The following EDAR variants were observed in gnomAD, a reference collection of about 807,000 sequenced individuals.
EDAR encodes the protein ectodysplasin A receptor.
EDAR carries 38 observed loss-of-function variants against 51.3 expected under a neutral mutation model. The observed-to-expected ratio is 0.74, with a 90% CI of 0.57 to 0.97. The LOEUF is 0.97. EDAR is among the 50% of genes least tolerant of loss of function. EDAR has a pLI of 0.00. For synonymous variants in EDAR, 227 were observed against 242.1 expected, an observed-to-expected ratio of 0.94 and a Z score of 0.58; for missense variants, 528 against 595.0, an observed-to-expected ratio of 0.89 and a Z score of 1.17.
chr2:108,915,779 C>T (rs1697015843), intron 5 of EDAR, among the ~76,000 whole-genome samples: 1 of 152,132 alleles, frequency 6.6e-6, no homozygotes, highest in Admixed American at 6.6e-5. Context: ...TGCCTGTAAT[C>T]CCAGCTACTG....
chr2:108,937,765 G>A (rs1396093474), intron 1 of EDAR, among the ~76,000 whole-genome samples: 3 of 152,094 alleles, frequency 2.0e-5, no homozygotes, highest in Non-Finnish European at 2.9e-5. Context: ...ATGTATGTGT[G>A]TGAATGTATG....
At chr2:108,934,464 A>G (rs935040356) in intron 1 of EDAR, among the ~76,000 whole-genome samples, 2 of 152,204 alleles carry the variant, frequency 1.3e-5, no homozygotes, top group African/African-American at 4.8e-5. Flanking sequence ...CCTCGTGCAC[A>G]CTGAGCTCCC....
chr2:108,912,631 G>A (rs747969236), intron 6 of EDAR, 47 bp downstream of exon 6: 116 of 1,508,434 alleles, frequency 7.7e-5, no homozygotes, highest in Non-Finnish European at 9.6e-5. Flanking sequence ...GCTTTCATCC[G>A]AGTACCACCT....
Position 108,930,150 on chromosome 2 carries a change from G to T in EDAR, c.144C>A (p.Pro48=). 1 of 1,614,000 alleles carries T rather than the reference G, an allele frequency of 6.2e-7. No individual in the cohort carries two copies. The highest frequency in any genetic ancestry group is 8.5e-7 in the Non-Finnish European group (1 of 1,180,012). ...AGGGCTCCTCTCCCGGCCCACACGG[G>T]GGGCACTCCTGGCACAGCCCCGTAG... ...NQTTGLCQEC[P]PCGPGEEPYL... Residue 48 remains proline (P), a synonymous_variant, in exon 3 of 12, where the codon CCC becomes CCA. Transcript: ENST00000258443.
intron 5 of EDAR, among the ~76,000 whole-genome samples, chr2:108,914,699 C>T (rs1410371351): frequency 1.3e-5 from 2 of 152,212 alleles, no homozygotes; most frequent in African/African-American, 4.8e-5. Flanking sequence ...ATGCATCTCC[C>T]ACTCTCTCAC....
intron 1 of EDAR, among the ~76,000 whole-genome samples, chr2:108,938,025 C>G (rs1371053062): frequency 6.6e-6 from 1 of 152,020 alleles, no homozygotes; most frequent in African/African-American, 2.4e-5. Context: ...GCATGAAACA[C>G]TTATTTACTT....
At chr2:108,933,677 G>A (rs948285433) in intron 1 of EDAR, among the ~76,000 whole-genome samples, 1 of 152,238 alleles carries the variant, frequency 6.6e-6, no homozygotes, top group African/African-American at 2.4e-5. Context: ...AATGGACTGA[G>A]GCAAGATTGA....
chr2:108,972,808 G>A (rs1020172172), intron 1 of EDAR, among the ~76,000 whole-genome samples: 2 of 152,156 alleles, frequency 1.3e-5, no homozygotes, highest in Admixed American at 6.5e-5. Flanking sequence ...CGGCAGGGGC[G>A]TTCACTCTTC....
intron 5 of EDAR, among the ~76,000 whole-genome samples, chr2:108,914,245 C>T (rs955886142): frequency 2.6e-5 from 4 of 151,260 alleles, no homozygotes; most frequent in South Asian, 2.1e-4. Flanking sequence ...GGGCAACAAA[C>T]GTGAAACTTT....
chr2:108,943,733 T>G (rs1697655084), intron 1 of EDAR, among the ~76,000 whole-genome samples: 1 of 152,124 alleles, frequency 6.6e-6, no homozygotes, highest in African/African-American at 2.4e-5. Flanking sequence ...GCTCTCCAGT[T>G]TGGGGGAGAT....
intron 1 of EDAR, among the ~76,000 whole-genome samples, chr2:108,945,904 T>G (rs1697705560): frequency 6.6e-6 from 1 of 152,180 alleles, no homozygotes; most frequent in Non-Finnish European, 1.5e-5. Context: ...CAGGGGCACA[T>G]GTTACTTTGT....
At chr2:108,906,220 C>T in intron 11 of EDAR, 88 bp downstream of exon 11, 2 of 1,397,954 alleles carry the variant, frequency 1.4e-6, no homozygotes, top group East Asian at 2.3e-5. Flanking sequence ...TCCCTCAGTT[C>T]CCCTCACAGG....
intron 1 of EDAR, among the ~76,000 whole-genome samples, chr2:108,978,460 C>T (rs905530276): frequency 1.3e-5 from 2 of 152,132 alleles, no homozygotes; most frequent in South Asian, 2.1e-4. Context: ...ATTTGTTAGA[C>T]GCCTCAAGAG....
intron 11 of EDAR, among the ~76,000 whole-genome samples, chr2:108,902,062 A>G (rs1416817175): frequency 6.6e-6 from 1 of 152,166 alleles, no homozygotes; most frequent in Non-Finnish European, 1.5e-5. Flanking sequence ...ACATGGTGAA[A>G]CCCCATATCT....
chr2:108,957,301 CTT>C (rs1051131314), intron 1 of EDAR, among the ~76,000 whole-genome samples: 5 of 152,218 alleles, frequency 3.3e-5, no homozygotes, highest in African/African-American at 1.2e-4. Flanking sequence ...AGCAACGCCT[CTT>C]GTTTATGGGC....
Position 108,897,210 on chromosome 2 carries a change from C to T in EDAR, c.1044G>A (p.Leu348=). 1 of 1,613,734 alleles carries T rather than the reference C, an allele frequency of 6.2e-7. No homozygotes were observed. Among genetic ancestry groups the T allele is most frequent in the Non-Finnish European group, 8.5e-7 (1 of 1,180,028 alleles). Reference sequence around the variant, plus strand: ...TAGTCTTCTCGAGGCAATCAAATGGCAGCTCCGTGGGGCTAAGACCTACAG... The same window carrying T: ...TAGTCTTCTCGAGGCAATCAAATGGTAGCTCCGTGGGGCTAAGACCTACAG... The part of the protein sequence containing the change: ...GVVEGLSPTE[L]PFDCLEKTSR... Residue 348 remains leucine, a synonymous_variant, in exon 12 of 12, where the codon CTG becomes CTA. Transcript: ENST00000258443.
At chr2:108,966,884 A>G (rs1024149904) in intron 1 of EDAR, among the ~76,000 whole-genome samples, 2 of 152,224 alleles carry the variant, frequency 1.3e-5, no homozygotes, top group African/African-American at 4.8e-5. Context: ...AGGGAGACAG[A>G]GAGGGACCCT....
At chr2:108,952,190 G>A (rs1220856915) in intron 1 of EDAR, among the ~76,000 whole-genome samples, 2 of 152,218 alleles carry the variant, frequency 1.3e-5, no homozygotes, top group African/African-American at 2.4e-5. Context: ...TTTCAGGTAT[G>A]AGCACCATGT....
chr2:108,900,362 C>G (rs1031225304), intron 11 of EDAR, among the ~76,000 whole-genome samples: 1 of 152,102 alleles, frequency 6.6e-6, no homozygotes, highest in African/African-American at 2.4e-5. Context: ...TCTAGACCAG[C>G]CTGGTCAACA....
Sources: allele counts gnomAD v4.1 joint callset (sites outside exome capture counted in the v4.1 genomes callset), GRCh38; gene constraint gnomAD v4.1.1; transcripts MANE v1.5; gene names NCBI Gene and HGNC (gene_info 2026-07-23, HGNC 2026-07-21).